The following SH3KBP1 variants were observed in gnomAD, a reference collection of about 807,000 sequenced individuals.
SH3KBP1 encodes the protein SH3 domain-containing kinase-binding protein 1.
A neutral mutation model predicts 50.1 loss-of-function variants in SH3KBP1; 8 were observed. The ratio of observed to expected loss-of-function variants is 0.16; its 90% CI spans 0.09 to 0.29. SH3KBP1 has a LOEUF of 0.29. SH3KBP1 is among the 10% of genes least tolerant of loss of function. SH3KBP1 has a pLI of 1.00. For synonymous variants in SH3KBP1, 227 were observed against 218.6 expected (o/e 1.04, Z -0.34); for missense variants, 377 against 535.2 (o/e 0.70, Z 2.92).
intron 3 of SH3KBP1, among the ~76,000 whole-genome samples, chrX:19,716,625 A>G (rs2063918160): frequency 8.9e-6 from 1 of 111,876 alleles, no homozygotes; most frequent in Non-Finnish European, 1.9e-5. Flanking sequence ...CAAAAGTCAC[A>G]GAAGAAAAAT....
At chrX:19,830,972 G>A (rs982646882) in intron 2 of SH3KBP1, among the ~76,000 whole-genome samples, 11 of 111,865 alleles carry the variant, frequency 9.8e-5, no homozygotes, top group African/African-American at 2.9e-4. Flanking sequence ...CTTAACAATG[G>A]GATGGCCTGC....
intron 7 of SH3KBP1, among the ~76,000 whole-genome samples, chrX:19,644,984 G>C (rs2061957183): frequency 9.0e-6 from 1 of 111,699 alleles, no homozygotes; most frequent in African/African-American, 3.3e-5. Flanking sequence ...ATACCAGTGG[G>C]AAGTCAAGGG....
chrX:19,838,899 A>AAAAAAAAG (rs1247182298), intron 1 of SH3KBP1, among the ~76,000 whole-genome samples: 3 of 108,112 alleles, frequency 2.8e-5, no homozygotes, highest in African/African-American at 6.8e-5. Context: ...AAAAAAAAAA[A>AAAAAAAAG]AAAAAAAGAA....
intron 8 of SH3KBP1, among the ~76,000 whole-genome samples, chrX:19,624,564 A>G (rs781247401): frequency 3.5e-4 from 39 of 111,912 alleles, no homozygotes; most frequent in African/African-American, 1.2e-3. Flanking sequence ...TGGTGAACTA[A>G]AACGATATTT....
chrX:19,860,272 C>T (rs1286507060), intron 1 of SH3KBP1, among the ~76,000 whole-genome samples: 1 of 58,416 alleles, frequency 1.7e-5, no homozygotes, highest in African/African-American at 7.5e-5. Context: ...ACAGTGAGAT[C>T]CCACCTCTAA....
chrX:19,773,347 C>T (rs1359455014), intron 2 of SH3KBP1, among the ~76,000 whole-genome samples: 2 of 111,312 alleles, frequency 1.8e-5, no homozygotes, highest in Non-Finnish European at 1.9e-5. Flanking sequence ...AACCGTAAAT[C>T]CACAGGTTTG....
chrX:19,853,886 C>T, intron 1 of SH3KBP1, among the ~76,000 whole-genome samples: 1 of 107,432 alleles, frequency 9.3e-6, no homozygotes. Flanking sequence ...CGCTTGAATC[C>T]GGGAGGCAGA....
At chrX:19,833,110 TCTC>T (rs2067950947) in intron 2 of SH3KBP1, among the ~76,000 whole-genome samples, 1 of 111,327 alleles carries the variant, frequency 9.0e-6, no homozygotes, top group African/African-American at 3.3e-5. Context: ...TGCAGTCCCT[TCTC>T]CTTCCCAGGC....
At chrX:19,822,133 G>A (rs2067547969) in intron 2 of SH3KBP1, among the ~76,000 whole-genome samples, 1 of 112,182 alleles carries the variant, frequency 8.9e-6, no homozygotes, top group Non-Finnish European at 1.9e-5. Flanking sequence ...TGATTAGTAT[G>A]TATCTTGGCA....
intron 15 of SH3KBP1, among the ~76,000 whole-genome samples, chrX:19,543,198 G>C (rs2064983597): frequency 1.8e-5 from 2 of 111,753 alleles, no homozygotes; most frequent in Admixed American, 9.5e-5. Context: ...TGAGCAGGGA[G>C]ATGTGGTCCT....
intron 8 of SH3KBP1, among the ~76,000 whole-genome samples, chrX:19,620,236 C>G (rs1156247126): frequency 8.9e-6 from 1 of 111,769 alleles, no homozygotes. Context: ...ACAAAGAAAG[C>G]TTTAAAAAAG....
intron 2 of SH3KBP1, among the ~76,000 whole-genome samples, chrX:19,778,430 C>CA (rs374544534): frequency 0.25 from 11,595 of 46,170 alleles, 1,216 homozygotes; most frequent in African/African-American, 0.38. Context: ...GACTCCATCT[C>CA]AAAAAAAAAA....
intron 2 of SH3KBP1, among the ~76,000 whole-genome samples, chrX:19,779,881 T>C (rs1159599656): frequency 5.8e-5 from 6 of 104,027 alleles, no homozygotes; most frequent in Admixed American, 1.0e-4. Context: ...AATGCCGCAA[T>C]AAACATACGT....
intron 8 of SH3KBP1, among the ~76,000 whole-genome samples, chrX:19,628,732 G>C (rs2061509274): frequency 8.9e-6 from 1 of 111,822 alleles, no homozygotes; most frequent in Non-Finnish European, 1.9e-5. Context: ...TCTAAAATGG[G>C]CCCAAGCAGC....
At chrX:19,690,224 T>TA (rs1178433380) in intron 5 of SH3KBP1, among the ~76,000 whole-genome samples, 2 of 110,372 alleles carry the variant, frequency 1.8e-5, no homozygotes, top group Admixed American at 9.7e-5. Flanking sequence ...CATAGCTAGC[T>TA]AATTTCTATT....
chrX:19,754,485 C>T (rs1180105660), intron 2 of SH3KBP1, among the ~76,000 whole-genome samples: 1 of 111,786 alleles, frequency 8.9e-6, no homozygotes, highest in African/African-American at 3.3e-5. Flanking sequence ...TGGCTGTCTA[C>T]AGATGAAGTA....
chrX:19,691,325 GCTCTCTCT>G (rs747033807), intron 5 of SH3KBP1, among the ~76,000 whole-genome samples: 116 of 84,375 alleles, frequency 1.4e-3, no homozygotes, highest in African/African-American at 4.3e-3. Context: ...AATCTCTGTC[GCTCTCTCT>G]CTCTCTCTCT....
At chrX:19,878,460 C>A (rs1026873102) in intron 1 of SH3KBP1, among the ~76,000 whole-genome samples, 1 of 95,515 alleles carries the variant, frequency 1.0e-5, no homozygotes, top group African/African-American at 4.4e-5. Flanking sequence ...TGTGCCACCA[C>A]GCCTGGCTAA....
intron 2 of SH3KBP1, among the ~76,000 whole-genome samples, chrX:19,800,839 C>T (rs1180637127): frequency 3.6e-5 from 4 of 111,774 alleles, no homozygotes. Context: ...GTCTGCCTTC[C>T]CCCAGATAAC....
Sources: allele counts gnomAD v4.1 joint callset (sites outside exome capture counted in the v4.1 genomes callset), GRCh38; gene constraint gnomAD v4.1.1; transcripts MANE v1.5; gene names NCBI Gene and HGNC (gene_info 2026-07-23, HGNC 2026-07-21).